ZBTB45: variants seen among roughly 807,000 people sequenced by gnomAD.
ZBTB45 encodes zinc finger and BTB domain-containing protein 45.
Under a neutral mutation model 28.4 loss-of-function variants are expected in ZBTB45, and 22 were observed. That is an observed-to-expected ratio of 0.77 (90% CI 0.55 to 1.10). The LOEUF (loss-of-function observed/expected upper bound fraction) is 1.10. ZBTB45 is among the 50% of genes least tolerant of loss of function. ZBTB45 has a pLI of 0.00. For missense variants in ZBTB45, 656 were observed against 750.2 expected (o/e 0.87, Z 1.47); for synonymous variants, 361 against 332.3 (o/e 1.09, Z -0.94).
chr19:58,529,862 C>T (rs927839799), intron 1 of ZBTB45, among the ~76,000 whole-genome samples: 2 of 152,130 alleles, frequency 1.3e-5, no homozygotes, highest in African/African-American at 4.8e-5. Flanking sequence ...CAAGGTTCAA[C>T]CGTGTTGTAG....
In ZBTB45 at chr19:58,515,172, C is replaced by T. The variant is rs1050439119; in HGVS notation, c.1280-862G>A. Among the ~76,000 whole-genome samples the T allele has an allele frequency of 4.0e-5, 6 of 151,840 alleles. No individual in the cohort carries two copies. Among genetic ancestry groups the T allele is most frequent in the African/African-American group, 7.3e-5 (3 of 41,306 alleles). ...CTCTACTAAAAATACAAAAAATAGC[C>T]GGGTGTGGTGGTGCACGCCTGTAAT... is the stretch of plus-strand genomic sequence containing the variant. On this transcript the variant is annotated intron_variant, in intron 2 of 2. Coordinates refer to ENST00000594051, the MANE Select transcript of ZBTB45 (RefSeq NM_001316979.2). This position sits in a 1 kb window ranked among gnomAD's most constrained non-coding sequence, Gnocchi z 4.7.
chr19:58,522,808 G>A (rs990586086), upstream of ZBTB45, among the ~76,000 whole-genome samples: 1 of 152,180 alleles, frequency 6.6e-6, no homozygotes, highest in African/African-American at 2.4e-5. Flanking sequence ...GAGGAGGGAG[G>A]ACGGCCCTCC....
At chr19:58,529,400 A>G (rs999369053) in intron 1 of ZBTB45, among the ~76,000 whole-genome samples, 21 of 152,208 alleles carry the variant, frequency 1.4e-4, no homozygotes, top group African/African-American at 4.8e-4. Flanking sequence ...CACCGCACTC[A>G]GAGCAAGACC....
intron 1 of ZBTB45, among the ~76,000 whole-genome samples, chr19:58,537,074 G>A (rs544759567): frequency 6.6e-6 from 1 of 152,206 alleles, no homozygotes; most frequent in Admixed American, 6.5e-5. Flanking sequence ...GGACCTCTGA[G>A]TGAGGTCCCT....
At chr19:58,521,161 G>C (rs1568647185), upstream of ZBTB45, among the ~76,000 whole-genome samples, 1 of 146,488 alleles carries the variant, frequency 6.8e-6, no homozygotes, top group Admixed American at 6.9e-5. Flanking sequence ...TCAGGAGATC[G>C]AGACCATCCT....
In ZBTB45 at chr19:58,517,294, G is replaced by A. The variant is rs1568643593; in HGVS notation, c.380C>T (p.Ala127Val). 1.2e-6 allele frequency: 2 copies of A among 1,601,930 alleles called. No homozygotes were observed. Among genetic ancestry groups the A allele is most frequent in the East Asian group, 2.2e-5 (1 of 44,756 alleles). The change falls in exon 2 of 3, where the codon GCC becomes GTC. Residue 127 changes from alanine to valine, a missense_variant. Physicochemically the swap from Ala to Val is moderately conservative, Grantham distance 64. Coordinates refer to ENST00000594051, the MANE Select transcript of ZBTB45 (RefSeq NM_001316979.2). ...ECTQIIARAR[A>V]PGTSAPTPLP... ...GGGCGTGGGCGCAGAGGTGCCCGGG[G>A]CTCGAGCGCGGGCGATAATCTGCGT...
chr19:58,513,906 G>A lies in ZBTB45; in HGVS notation c.*148C>T. On this transcript the variant is annotated 3_prime_UTR_variant, in exon 3 of 3. Coordinates refer to ENST00000594051, the MANE Select transcript of ZBTB45 (RefSeq NM_001316979.2). ...GAGGAGTAAGGCGGACTTAGGCCCT[G>A]GTATGGAGAAAGGGTGAAGGGAGAG... is the stretch of plus-strand genomic sequence containing the variant. 1 of 1,005,444 alleles carries A rather than the reference G, an allele frequency of 9.9e-7. No homozygotes were observed. Among genetic ancestry groups the A allele is most frequent in the South Asian group, 2.5e-5 (1 of 40,306 alleles). 62.3% of individuals were successfully genotyped at this position (1,005,444 alleles called of 1,614,324 possible). A position where few individuals can be genotyped will look rare whatever the true frequency, so the allele number is the denominator to read the frequency against.
upstream of ZBTB45, among the ~76,000 whole-genome samples, chr19:58,522,159 CTT>C (rs566701490): frequency 7.4e-6 from 1 of 135,322 alleles, no homozygotes; most frequent in African/African-American, 2.7e-5. Context: ...CCCGTCTCTA[CTT>C]TTTTTTTTTT....
At chr19:58,519,080 C>T (rs1314531573) in intron 1 of ZBTB45, 1 of 152,722 alleles carries the variant, frequency 6.5e-6, no homozygotes, top group African/African-American at 2.4e-5. Flanking sequence ...GTCTCTGCGC[C>T]CCTCGCCTCC....
At chr19:58,536,069 G>A (rs1374865765) in intron 1 of ZBTB45, among the ~76,000 whole-genome samples, 3 of 152,106 alleles carry the variant, frequency 2.0e-5, no homozygotes, top group African/African-American at 7.2e-5. Flanking sequence ...CCCTAGAGTT[G>A]TCACCAGAAT....
intron 1 of ZBTB45, among the ~76,000 whole-genome samples, chr19:58,526,285 C>T (rs1445142743): frequency 6.6e-6 from 1 of 152,102 alleles, no homozygotes; most frequent in Non-Finnish European, 1.5e-5. Context: ...TCACAGCTCA[C>T]TGCAACCTCC....
Position 58,533,082 on chromosome 19 carries a change from C to T in ZBTB45, c.-1+5619G>A, listed in dbSNP as rs149656039. ...AACTCCCGACCTCAGGTGATCCACC[C>T]GCCTTGGCCTCCCAAAGTGCTGGGA... is the stretch of plus-strand genomic sequence containing the variant. On this transcript the variant is annotated intron_variant, in intron 1 of 1. Coordinates refer to the ZBTB45 transcript ENST00000600130. Among the ~76,000 whole-genome samples the T allele has an allele frequency of 4.8e-3, 727 of 152,250 alleles. 5 individuals carry two copies. The highest frequency in any genetic ancestry group is 8.7e-3 in the Non-Finnish European group (593 of 68,020).
chr19:58,519,398 G>A (rs2053557343), intron 1 of ZBTB45: 1 of 152,314 alleles, frequency 6.6e-6, no homozygotes, highest in Admixed American at 6.5e-5. Context: ...CCGCAAGGCC[G>A]GCCTGGACAC....
chr19:58,516,329 C>G lies in ZBTB45; in HGVS notation c.1279+66G>C. 2 of 1,591,596 alleles carry G rather than the reference C, an allele frequency of 1.3e-6. No homozygotes were observed. The highest frequency in any genetic ancestry group is 1.7e-6 in the Non-Finnish European group (2 of 1,165,466). On this transcript the variant is annotated intron_variant, in intron 2 of 2. Transcript: ENST00000594051. This position sits in a 1 kb window ranked among gnomAD's most constrained non-coding sequence, Gnocchi z 6.2. The stretch of plus-strand genomic sequence containing the variant: ...GTGCCAGTGCCCTGTAACTAGTGCT[C>G]AATTCCCCCTCAGGTTTAACTCTCC...
chr19:58,528,071 C>T (rs2053616966), intron 1 of ZBTB45, among the ~76,000 whole-genome samples: 1 of 152,180 alleles, frequency 6.6e-6, no homozygotes, highest in African/African-American at 2.4e-5. Flanking sequence ...ATAACTCCTC[C>T]CTTCTCAGGC....
intron 1 of ZBTB45, among the ~76,000 whole-genome samples, chr19:58,530,727 A>G (rs1456053490): frequency 6.7e-6 from 1 of 150,134 alleles, no homozygotes; most frequent in Non-Finnish European, 1.5e-5. Flanking sequence ...TCTGTCGCGC[A>G]GGCTGGAGTG....
At chr19:58,521,051 CAAAAAAAAAAAAAA>C (rs71190053), upstream of ZBTB45, among the ~76,000 whole-genome samples, 23 of 27,798 alleles carry the variant, frequency 8.3e-4, no homozygotes, top group African/African-American at 1.6e-3. Context: ...GACTCCGTCT[CAAAAAAAAAAAAAA>C]AAAAAAAAAA....
At chr19:58,523,407 A>G (rs2122581063), upstream of ZBTB45, among the ~76,000 whole-genome samples, 1 of 151,070 alleles carries the variant, frequency 6.6e-6, no homozygotes, top group African/African-American at 2.4e-5. Flanking sequence ...TTGGCCGAGC[A>G]CGGTGGCTCA....
upstream of ZBTB45, among the ~76,000 whole-genome samples, chr19:58,523,583 G>C (rs1452494444): frequency 1.5e-5 from 2 of 135,280 alleles, no homozygotes; most frequent in East Asian, 4.7e-4. Context: ...AGAATAGCTT[G>C]AACCTGGGAG....
Sources: allele counts gnomAD v4.1 joint callset (sites outside exome capture counted in the v4.1 genomes callset), GRCh38; gene constraint gnomAD v4.1.1; non-coding constraint Gnocchi (gnomAD v3.1); transcripts MANE v1.5; gene names NCBI Gene and HGNC (gene_info 2026-07-23, HGNC 2026-07-21).